Variants in ATG7 observed in about 807,000 individuals in gnomAD.
The protein encoded by ATG7 is ubiquitin-like modifier-activating enzyme ATG7.
A neutral mutation model predicts 82.4 loss-of-function variants in ATG7; 70 were observed. That is an observed-to-expected ratio of 0.85 (90% confidence interval 0.70 to 1.04). The LOEUF (loss-of-function observed/expected upper bound fraction) is 1.04. Ranked by LOEUF, ATG7 falls within the 50% of genes least tolerant of loss-of-function variation. The probability of loss-of-function intolerance (pLI) is 0.00; values close to 1 mark genes in which losing one functional copy is unlikely to be tolerated. For synonymous variants in ATG7, 287 were observed against 313.0 expected (o/e 0.92, Z 0.88); for missense variants, 792 against 864.3 (o/e 0.92, Z 1.05).
At chr3:11,496,252 T>A (rs2090825067) in intron 20 of ATG7, among the ~76,000 whole-genome samples, 1 of 152,254 alleles carries the variant, frequency 6.6e-6, no homozygotes, top group Admixed American at 6.5e-5. Flanking sequence ...TCCACTGCTA[T>A]GCAGCCTCTC....
At chr3:11,342,544 T>A (rs574318279) in intron 13 of ATG7, among the ~76,000 whole-genome samples, 1 of 152,314 alleles carries the variant, frequency 6.6e-6, no homozygotes, top group African/African-American at 2.4e-5. Flanking sequence ...TTTTCCCAGA[T>A]GTTATTGTAG....
At chr3:11,273,256 C>T (rs892631599) in intron 1 of ATG7, among the ~76,000 whole-genome samples, 3 of 152,352 alleles carry the variant, frequency 2.0e-5, no homozygotes, top group Admixed American at 6.5e-5. Context: ...TCCCAGACTC[C>T]CTTTTTCATT....
intron 17 of ATG7, among the ~76,000 whole-genome samples, chr3:11,364,304 T>C (rs1426038091): frequency 6.6e-6 from 1 of 152,212 alleles, no homozygotes; most frequent in Non-Finnish European, 1.5e-5. Flanking sequence ...AGTGAGTTAA[T>C]GTTTATTGGC....
chr3:11,410,585 A>G (rs1576198574), intron 19 of ATG7, among the ~76,000 whole-genome samples: 1 of 151,578 alleles, frequency 6.6e-6, no homozygotes, highest in Admixed American at 6.6e-5. Context: ...TCAAACAATA[A>G]CTCCCCATTT....
At chr3:11,445,202 G>C (rs927775760) in intron 20 of ATG7, among the ~76,000 whole-genome samples, 7 of 152,160 alleles carry the variant, frequency 4.6e-5, no homozygotes, top group Admixed American at 2.0e-4. Flanking sequence ...CCATTACTGG[G>C]TATATACCCA....
chr3:11,566,569 C>T, the ATG7 span, among the ~76,000 whole-genome samples: 2 of 152,182 alleles, frequency 1.3e-5, no homozygotes, highest in Admixed American at 6.5e-5. Flanking sequence ...TCTGGCTTCA[C>T]GCCTCCAAAT....
chr3:11,458,510 G>C (rs568477911), intron 20 of ATG7, among the ~76,000 whole-genome samples: 3 of 152,230 alleles, frequency 2.0e-5, no homozygotes, highest in East Asian at 1.9e-4. Flanking sequence ...TGATCCGCCC[G>C]CCTCGGCATC....
chr3:11,364,964 G>C (rs900308132), intron 18 of ATG7, among the ~76,000 whole-genome samples: 19 of 152,136 alleles, frequency 1.2e-4, no homozygotes, highest in African/African-American at 3.6e-4. Context: ...GATGCGTTTT[G>C]TAAACTGACT....
chr3:11,564,041 T>C, the ATG7 span, among the ~76,000 whole-genome samples: 1 of 152,142 alleles, frequency 6.6e-6, no homozygotes, highest in Non-Finnish European at 1.5e-5. Flanking sequence ...GGCACCATCC[T>C]CTCTGTCAGT....
chr3:11,388,495 C>T lies in ATG7; in HGVS notation c.1956+8443C>T, dbSNP rs146416341. Among the ~76,000 whole-genome samples the T allele has an allele frequency of 6.6e-3, 1,000 of 150,556 alleles. 10 individuals carry two copies. The highest frequency in any genetic ancestry group is 0.024 in the African/African-American group (964 of 40,916). On this transcript the variant is annotated intron_variant, in intron 19 of 20. Transcript: ENST00000693202. ...TCAGGCTGGAGTGCAGTGGCGCTAT[C>T]TCAGCTCACTGCAAGCTCCGCCTCC...
intron 11 of ATG7, among the ~76,000 whole-genome samples, chr3:11,338,382 A>G (rs982466728): frequency 1.3e-5 from 2 of 152,164 alleles, no homozygotes; most frequent in Admixed American, 1.3e-4. Context: ...AGCAGATTCC[A>G]TGTCTTTGAT....
chr3:11,527,726 G>A (rs918866338), intron 20 of ATG7, among the ~76,000 whole-genome samples: 1 of 152,214 alleles, frequency 6.6e-6, no homozygotes, highest in African/African-American at 2.4e-5. Flanking sequence ...AGATTTGCCT[G>A]TAACAAATGG....
downstream of ATG7, among the ~76,000 whole-genome samples, chr3:11,561,171 C>T (rs572434128): frequency 4.6e-5 from 7 of 152,232 alleles, no homozygotes; most frequent in South Asian, 2.1e-4. Flanking sequence ...TGTGCTCAGC[C>T]GGCTTGTTCT....
chr3:11,422,823 C>G (rs923500358), intron 19 of ATG7, among the ~76,000 whole-genome samples: 2 of 133,242 alleles, frequency 1.5e-5, no homozygotes, highest in Non-Finnish European at 3.1e-5. Flanking sequence ...GGCGCAATCT[C>G]AGCTCACTGC....
Position 11,396,402 on chromosome 3 carries a change from G to A in ATG7, c.1956+16350G>A, listed in dbSNP as rs2079276374. Reference sequence around the variant, plus strand: ...CTGTAGTGAGCTATGATTGTGCCCTGTACCCCAGCCTGAGCAACAGAGCGA... The same window carrying A: ...CTGTAGTGAGCTATGATTGTGCCCTATACCCCAGCCTGAGCAACAGAGCGA... On this transcript the variant is annotated intron_variant, in intron 19 of 20. Transcript: ENST00000693202. 5.3e-5 allele frequency among the ~76,000 whole-genome samples: 8 copies of A among 151,824 alleles called. No homozygotes were observed. In the South Asian group the frequency reaches 1.7e-3, roughly 32 times the overall value.
intron 14 of ATG7, among the ~76,000 whole-genome samples, chr3:11,354,062 T>G (rs1470212076): frequency 6.6e-6 from 1 of 152,164 alleles, no homozygotes; most frequent in Admixed American, 6.5e-5. Flanking sequence ...CTAAAATATA[T>G]GTATCCCAGA....
At chr3:11,464,049 G>T (rs1250280172) in intron 20 of ATG7, among the ~76,000 whole-genome samples, 2 of 152,200 alleles carry the variant, frequency 1.3e-5, no homozygotes, top group East Asian at 3.8e-4. Context: ...ACAAGAGCAG[G>T]TTGAAAAACA....
chr3:11,450,559 A>G (rs1249948049), intron 20 of ATG7, among the ~76,000 whole-genome samples: 4 of 152,202 alleles, frequency 2.6e-5, no homozygotes, highest in African/African-American at 9.6e-5. Context: ...ACCATTCTCC[A>G]TAAGTACATG....
intron 20 of ATG7, among the ~76,000 whole-genome samples, chr3:11,516,333 T>C (rs1453152517): frequency 3.3e-5 from 5 of 151,580 alleles, no homozygotes; most frequent in African/African-American, 1.2e-4. Context: ...ACTTAAAGTA[T>C]AATAATAATA....
Sources: gnomAD v4.1 joint callset for allele counts (sites outside exome capture counted in the v4.1 genomes callset) on GRCh38, gnomAD v4.1.1 for gene constraint, MANE v1.5 for transcripts, NCBI Gene and HGNC (gene_info 2026-07-23, HGNC 2026-07-21) for gene names.